NUP98: variants seen among roughly 807,000 people sequenced by gnomAD.
NUP98 encodes the protein nucleoporin 98 and 96 precursor, also known as nuclear pore complex protein Nup98-Nup96.
Under a neutral mutation model 191.9 loss-of-function variants are expected in NUP98, and 26 were observed. The observed-to-expected ratio is 0.14, with a 90% CI of 0.10 to 0.19. NUP98 has a LOEUF of 0.19. Among genes scored for constraint, NUP98 ranks in the 10% least tolerant of loss-of-function variants. The pLI is 1.00. For synonymous variants in NUP98, 808 were observed against 778.4 expected (o/e 1.04, Z -0.63); for missense variants, 1,941 against 2,178.8 (o/e 0.89, Z 2.17).
intron 24 of NUP98, 73 bp downstream of exon 24, chr11:3,700,537 C>T (rs1810695188): frequency 3.8e-6 from 4 of 1,056,842 alleles, no homozygotes; most frequent in Non-Finnish European, 4.2e-6. Flanking sequence ...CCAGGAAATT[C>T]ATCCTCCCGT....
At chr11:3,725,876 C>T (rs766331320) in intron 14 of NUP98, among the ~76,000 whole-genome samples, 5 of 152,134 alleles carry the variant, frequency 3.3e-5, no homozygotes, top group African/African-American at 9.7e-5. Flanking sequence ...GTGGTACAAT[C>T]GCTGATCATG....
At chr11:3,685,940 TG>T in intron 29 of NUP98, 32 bp downstream of exon 29, 1 of 1,552,918 alleles carries the variant, frequency 6.4e-7, no homozygotes, top group Non-Finnish European at 8.9e-7. Flanking sequence ...TAGTGCTAGA[TG>T]TACCCAGTGG....
At chr11:3,796,083 C>T (rs2082537838) in intron 1 of NUP98, among the ~76,000 whole-genome samples, 1 of 152,204 alleles carries the variant, frequency 6.6e-6, no homozygotes, top group African/African-American at 2.4e-5. Context: ...CATACTGTAA[C>T]CCAGTTAACT....
At chr11:3,746,825 A>G (rs1172270610) in intron 11 of NUP98, among the ~76,000 whole-genome samples, 2 of 151,520 alleles carry the variant, frequency 1.3e-5, no homozygotes, top group African/African-American at 4.9e-5. Context: ...AAGCAGGAGA[A>G]TCGCTTGAGC....
intron 11 of NUP98, among the ~76,000 whole-genome samples, chr11:3,749,734 C>T (rs1478949637): frequency 1.3e-5 from 2 of 150,100 alleles, no homozygotes; most frequent in African/African-American, 4.9e-5. Flanking sequence ...ACTTAAATGG[C>T]AAATAAAAAA....
chr11:3,679,842 C>T (rs1223464905), intron 30 of NUP98, 134 bp from the exon 31 acceptor site: 1 of 758,722 alleles, frequency 1.3e-6, no homozygotes, highest in Non-Finnish European at 2.1e-6. Flanking sequence ...CACATACAGG[C>T]ATACCTCAAA....
intron 12 of NUP98, among the ~76,000 whole-genome samples, chr11:3,735,854 CGTGT>C (rs1424167868): frequency 3.3e-4 from 44 of 134,004 alleles, no homozygotes; most frequent in South Asian, 1.5e-3. Flanking sequence ...TGTGTGCGTG[CGTGT>C]ATGTAATTGT....
rs188740946 is a variant in NUP98 at position 3,777,157 on chromosome 11, T to C, written c.356-1136A>G. 8.5e-5 allele frequency among the ~76,000 whole-genome samples: 13 copies of C among 152,172 alleles called. No homozygotes were observed. In the East Asian group the frequency reaches 2.5e-3, roughly 29 times the overall value. On this transcript the variant is annotated intron_variant, in intron 4 of 32. Coordinates refer to ENST00000324932, the MANE Select transcript of NUP98 (RefSeq NM_016320.5). ...TAATGTAAAATTTCACCCCCCAAAATTTCAGAAAAATTAGCAGCCACTGTC... is the reference window on the plus strand; with the variant it reads ...TAATGTAAAATTTCACCCCCCAAAACTTCAGAAAAATTAGCAGCCACTGTC...
intron 31 of NUP98, among the ~76,000 whole-genome samples, chr11:3,677,684 C>T (rs2077862293): frequency 1.3e-5 from 2 of 152,078 alleles, no homozygotes; most frequent in African/African-American, 4.8e-5. Context: ...TTCCCCAAAC[C>T]CACTACAGTG....
intron 18 of NUP98, among the ~76,000 whole-genome samples, chr11:3,717,067 A>T (rs2079210488): frequency 6.6e-6 from 1 of 151,976 alleles, no homozygotes; most frequent in African/African-American, 2.4e-5. Context: ...GCAGTGGTGT[A>T]ATCTGCAACC....
intron 1 of NUP98, among the ~76,000 whole-genome samples, chr11:3,787,859 G>T (rs2082195285): frequency 6.6e-6 from 1 of 152,034 alleles, no homozygotes; most frequent in Non-Finnish European, 1.5e-5. Flanking sequence ...GGGCATGGTG[G>T]TGTGTGCCTC....
intron 10 of NUP98, among the ~76,000 whole-genome samples, chr11:3,759,022 CAT>C (rs556810097): frequency 7.4e-4 from 112 of 152,294 alleles, no homozygotes; most frequent in African/African-American, 2.6e-3. Context: ...AGTTGATAAA[CAT>C]ATTAATCTTC....
In NUP98 at chr11:3,695,542, G is replaced by T; in HGVS notation, c.4074C>A (p.Leu1358=). Residue 1358 remains leucine (L), a synonymous_variant, in exon 26 of 33, where the codon CTC becomes CTA. Coordinates refer to ENST00000324932, the MANE Select transcript of NUP98 (RefSeq NM_016320.5). ...GATGCCAGTCCACCAACTGCATGGTGAGCAGCTCCCGGACTGACTGGCTAC... is the reference window on the plus strand; with the variant it reads ...GATGCCAGTCCACCAACTGCATGGTTAGCAGCTCCCGGACTGACTGGCTAC... The part of the protein sequence containing the change: ...FVGSQSVREL[L]TMQLVDWHQL... The T allele has an allele frequency of 6.2e-7, 1 of 1,611,288 alleles. No individual in the cohort carries two copies.
In NUP98 at chr11:3,718,021, T is replaced by C. The variant is rs183283721; in HGVS notation, c.2399+1391A>G. Among the ~76,000 whole-genome samples, 211 of 152,264 alleles carry C rather than the reference T, an allele frequency of 1.4e-3. 1 individual carries two copies. Among genetic ancestry groups the C allele is most frequent in the Middle Eastern group, 0.014 (4 of 294 alleles). On this transcript the variant is annotated intron_variant, in intron 18 of 32. Transcript: ENST00000324932. ...CTTTTTCATCAATATACTCATCAAG[T>C]GGTCTGTAGTTTTCTTTCCTTGCAG...
At chr11:3,699,981 C>G (rs2078626047) in intron 24 of NUP98, among the ~76,000 whole-genome samples, 1 of 151,940 alleles carries the variant, frequency 6.6e-6, no homozygotes, top group Admixed American at 6.6e-5. Context: ...TTGAAAGAAG[C>G]CAGGAAGAGG....
chr11:3,740,666 C>T (rs1210647252), intron 12 of NUP98, among the ~76,000 whole-genome samples: 1 of 152,010 alleles, frequency 6.6e-6, no homozygotes, highest in Non-Finnish European at 1.5e-5. Flanking sequence ...CTGCAATCAT[C>T]CCAGAGCTAA....
intron 1 of NUP98, among the ~76,000 whole-genome samples, chr11:3,792,849 T>C (rs2082401795): frequency 6.6e-6 from 1 of 152,122 alleles, no homozygotes; most frequent in African/African-American, 2.4e-5. Context: ...CCGGGCACGG[T>C]GGCTCACGTC....
intron 20 of NUP98, among the ~76,000 whole-genome samples, chr11:3,707,929 T>C (rs1236932653): frequency 6.6e-6 from 1 of 151,672 alleles, no homozygotes; most frequent in Non-Finnish European, 1.5e-5. Flanking sequence ...GAAGAAACCC[T>C]GTCTCTACTA....
chr11:3,758,739 T>G (rs1315566685), intron 10 of NUP98, among the ~76,000 whole-genome samples: 3 of 151,886 alleles, frequency 2.0e-5, no homozygotes, highest in Non-Finnish European at 4.4e-5. Flanking sequence ...GAGCCAAGAT[T>G]GTGCCATTGC....
Sources: gnomAD v4.1 joint callset for allele counts (sites outside exome capture counted in the v4.1 genomes callset) on GRCh38, gnomAD v4.1.1 for gene constraint, MANE v1.5 for transcripts, NCBI Gene and HGNC (gene_info 2026-07-23, HGNC 2026-07-21) for gene names.